The following FRK variants were observed in gnomAD, a reference collection of about 807,000 sequenced individuals.
FRK encodes the protein tyrosine-protein kinase FRK.
FRK carries 51 observed loss-of-function variants against 56.4 expected under a neutral mutation model. The ratio of observed to expected loss-of-function variants is 0.90; its 90% confidence interval spans 0.72 to 1.14. The LOEUF (loss-of-function observed/expected upper bound fraction) is 1.14, where lower values mean the gene tolerates loss of function less well. FRK is among the 50% of genes most tolerant of loss of function. The probability of loss-of-function intolerance (pLI) is 0.00; values close to 1 mark genes in which losing one functional copy is unlikely to be tolerated. For missense variants in FRK, 570 were observed against 601.4 expected (o/e 0.95, Z 0.55); for synonymous variants, 245 against 217.9 (o/e 1.12, Z -1.10).
chr6:116,043,071 AC>A, intron 1 of FRK, among the ~76,000 whole-genome samples: 1 of 152,350 alleles, frequency 6.6e-6, no homozygotes, highest in African/African-American at 2.4e-5. Context: ...ATATAAGAGC[AC>A]CCAGATTCAT....
rs1001460756 is a variant in FRK, at chr6:115,933,673, T to C, written c.*8741A>G. On this transcript the variant is annotated 3_prime_UTR_variant, in exon 8 of 8. Transcript: ENST00000606080. The stretch of plus-strand genomic sequence containing the variant: ...ACTATATAGTGGCTGAATTTGCATA[T>C]TGAAATGGGAATATTTCTATTCATT... The C allele has an allele frequency of 3.0e-4, 45 of 152,232 alleles. No homozygotes were observed. Among genetic ancestry groups the C allele is most frequent in the Non-Finnish European group, 7.4e-5 (5 of 68,022 alleles). 9.4% of individuals were successfully genotyped at this position (152,232 alleles called of 1,614,324 possible).
At chr6:116,011,672 G>C (rs910364810) in intron 1 of FRK, among the ~76,000 whole-genome samples, 5 of 152,128 alleles carry the variant, frequency 3.3e-5, no homozygotes, top group African/African-American at 9.7e-5. Context: ...GACTTGGCAG[G>C]CATCGCTGTC....
chr6:116,095,424 T>G, the FRK span, among the ~76,000 whole-genome samples: 1 of 152,342 alleles, frequency 6.6e-6, no homozygotes, highest in Middle Eastern at 3.4e-3. Context: ...AGAGGTTTTA[T>G]TAATAGCAAA....
chr6:115,991,290 A>G (rs922767430), intron 2 of FRK, among the ~76,000 whole-genome samples: 10 of 151,888 alleles, frequency 6.6e-5, no homozygotes, highest in African/African-American at 2.4e-4. Flanking sequence ...TGCTCTGGCT[A>G]CAATTTCCAG....
chr6:116,019,568 GGCA>G (rs1396593845), intron 1 of FRK, among the ~76,000 whole-genome samples: 3 of 152,164 alleles, frequency 2.0e-5, no homozygotes, highest in African/African-American at 7.2e-5. Flanking sequence ...CCTAGAATAT[GGCA>G]CTTATTCTCA....
intron 1 of FRK, among the ~76,000 whole-genome samples, chr6:116,029,046 C>T (rs1333569977): frequency 6.6e-6 from 1 of 152,106 alleles, no homozygotes; most frequent in Non-Finnish European, 1.5e-5. Context: ...CAAGCTCCTC[C>T]ATGTTCCTGG....
chr6:115,993,776 T>C (rs1774712184), intron 2 of FRK, among the ~76,000 whole-genome samples: 1 of 152,006 alleles, frequency 6.6e-6, no homozygotes. Context: ...TCTTTGTGCA[T>C]CATCTGTCCT....
chr6:115,932,521 C>A lies in FRK; in HGVS notation c.*9893G>T, dbSNP rs1343514242. On this transcript the variant is annotated 3_prime_UTR_variant, in exon 8 of 8. Transcript: ENST00000606080. ...TCATTTACTTTTACTTTAAGAATGG[C>A]CTTTCTCTTGAATTAAATGATGATG... is the stretch of plus-strand genomic sequence containing the variant. 6.6e-6 allele frequency: 1 copy of A among 152,148 alleles called. No homozygotes were observed. Among genetic ancestry groups the A allele is most frequent in the East Asian group, 1.9e-4 (1 of 5,188 alleles). 9.4% of individuals were successfully genotyped at this position (152,148 alleles called of 1,614,324 possible).
chr6:115,942,899 C>T lies in FRK; in HGVS notation c.1306+121G>A, dbSNP rs1004687705. ...ATCATCAAATTTTATCTATCAAGCT[C>T]CCGCAGGTATGGTATGGTCAGCCTC... On this transcript the variant is annotated intron_variant, in intron 7 of 7. Coordinates refer to ENST00000606080, the MANE Select transcript of FRK (RefSeq NM_002031.3). 2.0e-5 allele frequency: 19 copies of T among 953,986 alleles called. No individual in the cohort carries two copies. In the Admixed American group the frequency reaches 4.1e-4, roughly 20 times the overall value. The allele number at this position is 953,986 out of a possible 1,614,324, so 59.1% of individuals were successfully genotyped here.
intron 1 of FRK, among the ~76,000 whole-genome samples, chr6:116,038,226 C>T (rs1007399772): frequency 4.6e-5 from 7 of 151,990 alleles, no homozygotes. Flanking sequence ...CAACCAAGCT[C>T]AGAAAGGCAA....
upstream of FRK, among the ~76,000 whole-genome samples, chr6:116,065,803 C>T (rs974005445): frequency 3.9e-5 from 6 of 152,178 alleles, no homozygotes; most frequent in Non-Finnish European, 4.4e-5. Flanking sequence ...ACTTAATGGA[C>T]ACTCAATAAA....
chr6:115,932,477 A>G lies in FRK; in HGVS notation c.*9937T>C, dbSNP rs577850639. The G allele has an allele frequency of 2.6e-5, 4 of 152,324 alleles. No homozygotes were observed. The South Asian group carries it at 8.3e-4, about 32-fold the overall frequency. The allele number at this position is 152,324 out of a possible 1,614,324, so 9.4% of individuals were successfully genotyped here. On this transcript the variant is annotated 3_prime_UTR_variant, in exon 8 of 8. Transcript: ENST00000606080. ...TCAGATCAGCCCACTGGCAATTCCA[A>G]TACCCAGGTGTACAAACCTCATTTA... is the stretch of plus-strand genomic sequence containing the variant.
rs186866347 is a variant in FRK, at chr6:116,046,582, G to A, written c.344+13386C>T. Among the ~76,000 whole-genome samples, 391 of 152,234 alleles carry A rather than the reference G, an allele frequency of 2.6e-3. 12 individuals carry two copies. In the South Asian group the frequency reaches 0.044, roughly 17 times the overall value. ...CACTCAAAAGTGGGAATTGAACAATGAGAACATGTGGACACAGTGAGGGGA... is the reference window on the plus strand; with the variant it reads ...CACTCAAAAGTGGGAATTGAACAATAAGAACATGTGGACACAGTGAGGGGA... On this transcript the variant is annotated intron_variant, in intron 1 of 7. Transcript: ENST00000606080.
chr6:116,032,845 A>G (rs2114766342), intron 1 of FRK, among the ~76,000 whole-genome samples: 1 of 152,234 alleles, frequency 6.6e-6, no homozygotes, highest in Middle Eastern at 3.4e-3. Flanking sequence ...ATTGCATTCA[A>G]TTCATTAAAA....
chr6:116,093,632 C>A, the FRK span, among the ~76,000 whole-genome samples: 9 of 140,242 alleles, frequency 6.4e-5, no homozygotes, highest in African/African-American at 2.3e-4. Flanking sequence ...CCCACTGGGA[C>A]CTTGACTCAG....
chr6:116,035,631 T>TCA (rs1776449849), intron 1 of FRK, among the ~76,000 whole-genome samples: 1 of 152,094 alleles, frequency 6.6e-6, no homozygotes, highest in Non-Finnish European at 1.5e-5. Context: ...AATCAAAAAA[T>TCA]GAAGAAGCAA....
chr6:116,027,768 A>C (rs77589070), intron 1 of FRK, among the ~76,000 whole-genome samples: 5,850 of 152,074 alleles, frequency 0.038, 240 homozygotes, highest in Admixed American at 0.13. Flanking sequence ...AGAAAAAATA[A>C]TATGATTAGA....
At chr6:115,999,799 G>A (rs1774984112) in intron 2 of FRK, among the ~76,000 whole-genome samples, 1 of 152,148 alleles carries the variant, frequency 6.6e-6, no homozygotes, top group African/African-American at 2.4e-5. Context: ...TATATTGAAA[G>A]TCCTTTTTCT....
rs767853111 is a variant in FRK, at chr6:116,060,046, C to T, written c.266G>A (p.Arg89Gln). 19 of 1,614,032 alleles carry T rather than the reference C, an allele frequency of 1.2e-5. No individual in the cohort carries two copies. Among genetic ancestry groups the T allele is most frequent in the African/African-American group, 1.1e-4 (8 of 74,908 alleles). ...WWFARHLEKR[R>Q]DGSSQQLQGY... ...TTGTAGTTGCTGACTGGAGCCATCT[C>T]GTCTTTTCTCCAAGTGTCTGGCAAA... Residue 89 changes from arginine to glutamine, a missense_variant, in exon 1 of 8, where the codon CGA becomes CAA. Transcript: ENST00000606080.
Sources: allele counts gnomAD v4.1 joint callset (sites outside exome capture counted in the v4.1 genomes callset), GRCh38; gene constraint gnomAD v4.1.1; transcripts MANE v1.5; gene names NCBI Gene and HGNC (gene_info 2026-07-23, HGNC 2026-07-21).